Variants in CPQ observed in about 807,000 individuals in gnomAD.
CPQ encodes Ser-Met dipeptidase.
A neutral mutation model predicts 45.7 loss-of-function variants in CPQ; 37 were observed. The ratio of observed to expected loss-of-function variants is 0.81; its 90% CI spans 0.62 to 1.07. CPQ has a LOEUF of 1.07. CPQ is among the 50% of genes least tolerant of loss of function. The pLI is 0.00. For synonymous variants in CPQ, 186 were observed against 205.8 expected (o/e 0.90, Z 0.82); for missense variants, 537 against 572.9 (o/e 0.94, Z 0.64).
At chr8:96,716,865 C>A (rs556455689) in intron 1 of CPQ, among the ~76,000 whole-genome samples, 113 of 151,452 alleles carry the variant, frequency 7.5e-4, no homozygotes, top group African/African-American at 2.6e-3. Context: ...TGAGATCACA[C>A]CATTGTAGTC....
intron 1 of CPQ, among the ~76,000 whole-genome samples, chr8:96,782,827 ACT>A (rs1461332876): frequency 6.6e-6 from 1 of 152,120 alleles, no homozygotes; most frequent in Non-Finnish European, 1.5e-5. Flanking sequence ...CTAGTTTATC[ACT>A]CTTAAATTCT....
intron 7 of CPQ, among the ~76,000 whole-genome samples, chr8:97,130,223 T>C (rs1183210516): frequency 2.0e-5 from 3 of 152,162 alleles, no homozygotes; most frequent in Non-Finnish European, 4.4e-5. Context: ...CTAAAGGCTT[T>C]AGAGAAAAAA....
chr8:96,979,127 G>A (rs1011303499), intron 5 of CPQ, among the ~76,000 whole-genome samples: 1 of 151,720 alleles, frequency 6.6e-6, no homozygotes, highest in African/African-American at 2.4e-5. Flanking sequence ...TAAATCTAGA[G>A]TAATGGGTGA....
chr8:97,093,701 AAGG>A (rs1811163919), intron 7 of CPQ, among the ~76,000 whole-genome samples: 1 of 152,198 alleles, frequency 6.6e-6, no homozygotes, highest in Admixed American at 6.5e-5. Flanking sequence ...TTACCTAGAC[AAGG>A]AGGACAATGG....
intron 3 of CPQ, among the ~76,000 whole-genome samples, chr8:96,835,811 G>A (rs558975731): frequency 7.8e-4 from 119 of 152,276 alleles, no homozygotes; most frequent in African/African-American, 2.8e-3. Context: ...TTAATTATCT[G>A]TAAATGATTA....
intron 2 of CPQ, among the ~76,000 whole-genome samples, chr8:96,816,738 T>G (rs1055890037): frequency 1.1e-4 from 16 of 152,126 alleles, no homozygotes; most frequent in African/African-American, 3.9e-4. Flanking sequence ...CAACATTAAT[T>G]TTCTTGTATA....
At chr8:97,040,675 A>G (rs1217312716) in intron 6 of CPQ, among the ~76,000 whole-genome samples, 234 of 152,112 alleles carry the variant, frequency 1.5e-3, no homozygotes, top group Middle Eastern at 3.4e-3. Context: ...GTGTAAGGAA[A>G]GGATCCAGTT....
At chr8:96,962,690 G>A (rs1037484055) in intron 4 of CPQ, among the ~76,000 whole-genome samples, 1 of 152,120 alleles carries the variant, frequency 6.6e-6, no homozygotes, top group Admixed American at 6.6e-5. Context: ...TATCTTTTGT[G>A]AGGTAACATT....
intron 1 of CPQ, among the ~76,000 whole-genome samples, chr8:96,684,881 C>T (rs1413244290): frequency 1.3e-5 from 2 of 151,716 alleles, no homozygotes; most frequent in African/African-American, 2.4e-5. Context: ...GGGTGTATCA[C>T]GAGGTCTGGA....
intron 4 of CPQ, among the ~76,000 whole-genome samples, chr8:96,946,323 C>T (rs1813187648): frequency 6.6e-6 from 1 of 152,000 alleles, no homozygotes; most frequent in Non-Finnish European, 1.5e-5. Flanking sequence ...AAATAATTGT[C>T]ATGTTAGTTT....
chr8:97,030,576 G>A (rs1400733564), intron 6 of CPQ, among the ~76,000 whole-genome samples: 1 of 152,080 alleles, frequency 6.6e-6, no homozygotes, highest in African/African-American at 2.4e-5. Context: ...GTGTCCTTTG[G>A]TTGGTAGGTC....
In CPQ at chr8:97,035,323, A is replaced by C. The variant is rs1809980388; in HGVS notation, c.1053+5829A>C. 2.0e-5 allele frequency among the ~76,000 whole-genome samples: 3 copies of C among 152,230 alleles called. No individual in the cohort carries two copies. In the South Asian group the frequency reaches 6.2e-4, roughly 31 times the overall value. On this transcript the variant is annotated intron_variant, in intron 6 of 7. Coordinates refer to ENST00000220763, the MANE Select transcript of CPQ (RefSeq NM_016134.4). ...TTTCCAGTTTTAGCTATTATAAATG[A>C]AGTTACCATGAACATTTATGTACAA...
At chr8:96,932,000 C>T (rs1460446635) in intron 4 of CPQ, among the ~76,000 whole-genome samples, 1 of 152,174 alleles carries the variant, frequency 6.6e-6, no homozygotes, top group Non-Finnish European at 1.5e-5. Flanking sequence ...GGATCCCTAA[C>T]TTGTTCCAAT....
At chr8:96,700,745 C>T (rs991719910) in intron 1 of CPQ, among the ~76,000 whole-genome samples, 1 of 152,134 alleles carries the variant, frequency 6.6e-6, no homozygotes, top group Non-Finnish European at 1.5e-5. Context: ...GACTTACAGC[C>T]TGGAAGCTGG....
chr8:97,008,523 C>A (rs1267748912), intron 5 of CPQ, among the ~76,000 whole-genome samples: 3 of 152,046 alleles, frequency 2.0e-5, no homozygotes, highest in Non-Finnish European at 4.4e-5. Context: ...GTTGTTGTCA[C>A]CTTCATCCAT....
intron 1 of CPQ, among the ~76,000 whole-genome samples, chr8:96,652,667 C>T (rs568832059): frequency 6.5e-4 from 99 of 152,264 alleles, no homozygotes; most frequent in Non-Finnish European, 1.0e-3. Context: ...GAGTCTTGCT[C>T]TATCGCCCAA....
intron 1 of CPQ, among the ~76,000 whole-genome samples, chr8:96,776,773 G>A (rs929454304): frequency 6.6e-6 from 1 of 152,044 alleles, no homozygotes; most frequent in African/African-American, 2.4e-5. Context: ...CTGTAACTAT[G>A]GATTGTGAAG....
At chr8:97,108,198 T>G (rs1811435534) in intron 7 of CPQ, among the ~76,000 whole-genome samples, 2 of 152,232 alleles carry the variant, frequency 1.3e-5, no homozygotes, top group African/African-American at 2.4e-5. Context: ...AGTACTAATA[T>G]TCCATGTTGT....
At chr8:96,792,573 T>C (rs1278788246) in intron 2 of CPQ, among the ~76,000 whole-genome samples, 2 of 152,220 alleles carry the variant, frequency 1.3e-5, no homozygotes, top group East Asian at 3.9e-4. Context: ...TATTATGTTA[T>C]GTTTTATTGT....
Sources: allele counts gnomAD v4.1 joint callset (sites outside exome capture counted in the v4.1 genomes callset), GRCh38; gene constraint gnomAD v4.1.1; transcripts MANE v1.5; gene names NCBI Gene and HGNC (gene_info 2026-07-23, HGNC 2026-07-21).